The following USP32 variants were observed in gnomAD, a reference collection of about 807,000 sequenced individuals.
USP32 encodes the protein ubiquitin specific peptidase 32.
A neutral mutation model predicts 204.8 loss-of-function variants in USP32; 59 were observed. That is an observed-to-expected ratio of 0.29 (90% CI 0.23 to 0.36). The LOEUF is 0.36. Among genes scored for constraint, USP32 ranks in the 10% least tolerant of loss-of-function variants. The pLI, the probability that USP32 is intolerant of heterozygous loss-of-function variation, is 1.00. For missense variants in USP32, 1,160 were observed against 1,946.4 expected (o/e 0.60, Z 7.60); for synonymous variants, 517 against 678.4 (o/e 0.76, Z 3.70).
intron 2 of USP32, among the ~76,000 whole-genome samples, chr17:60,329,341 C>T (rs1176228517): frequency 6.6e-6 from 1 of 150,746 alleles, no homozygotes; most frequent in African/African-American, 2.4e-5. Context: ...AGGACTGTGT[C>T]AGATAATATA....
Position 60,346,895 on chromosome 17 carries a change from G to A in USP32, c.59-1287C>T, listed in dbSNP as rs146382867. Among the ~76,000 whole-genome samples, 1,332 of 152,304 alleles carry A rather than the reference G, an allele frequency of 8.7e-3. 26 individuals carry two copies. The highest frequency in any genetic ancestry group is 0.029 in the African/African-American group (1,221 of 41,534). ...AAAGTATCTTACTACAGCAAAGCACGGAGTAGCAAACGATAAACCTAGAGA... is the reference window on the plus strand; with the variant it reads ...AAAGTATCTTACTACAGCAAAGCACAGAGTAGCAAACGATAAACCTAGAGA... On this transcript the variant is annotated intron_variant, in intron 1 of 33. Coordinates refer to ENST00000300896, the MANE Select transcript of USP32 (RefSeq NM_032582.4).
At chr17:60,244,529 C>T (rs997066256) in intron 11 of USP32, among the ~76,000 whole-genome samples, 1 of 152,132 alleles carries the variant, frequency 6.6e-6, no homozygotes, top group African/African-American at 2.4e-5. Context: ...AAATAGGTAA[C>T]ATTTTAATGC....
intron 1 of USP32, among the ~76,000 whole-genome samples, chr17:60,388,387 G>GAA (rs766962890): frequency 3.3e-5 from 5 of 151,124 alleles, no homozygotes; most frequent in Non-Finnish European, 7.4e-5. Flanking sequence ...TAAGACAGAA[G>GAA]AATTAAAAAA....
chr17:60,323,034 C>G (rs1271169276), intron 2 of USP32, among the ~76,000 whole-genome samples: 1 of 152,098 alleles, frequency 6.6e-6, no homozygotes, highest in Non-Finnish European at 1.5e-5. Flanking sequence ...TTGGAACCCA[C>G]ATATACTATT....
chr17:60,236,289 T>C, intron 11 of USP32, 49 bp from the exon 12 acceptor site: 1 of 1,470,830 alleles, frequency 6.8e-7, no homozygotes, highest in South Asian at 1.2e-5. Context: ...GTGAAATAGG[T>C]GGCAACGCAC....
intron 14 of USP32, 107 bp downstream of exon 14, chr17:60,223,304 T>G: frequency 1.2e-6 from 1 of 869,488 alleles, no homozygotes; most frequent in Non-Finnish European, 1.8e-6. Flanking sequence ...TATAATACAG[T>G]AATTAAATGA....
chr17:60,364,448 C>T (rs2089274886), intron 1 of USP32, among the ~76,000 whole-genome samples: 1 of 152,136 alleles, frequency 6.6e-6, no homozygotes, highest in Non-Finnish European at 1.5e-5. Flanking sequence ...GGCGCGATGT[C>T]CACTCACCGC....
intron 12 of USP32, among the ~76,000 whole-genome samples, chr17:60,226,445 G>T (rs770317058): frequency 2.6e-5 from 4 of 152,162 alleles, no homozygotes; most frequent in Non-Finnish European, 5.9e-5. Context: ...AAAACAGACT[G>T]TGAAGGATTT....
At chr17:60,308,990 T>C (rs959730002) in intron 2 of USP32, among the ~76,000 whole-genome samples, 14 of 151,976 alleles carry the variant, frequency 9.2e-5, no homozygotes, top group African/African-American at 3.4e-4. Context: ...CAAATCAAAA[T>C]GGACTGAAGA....
intron 2 of USP32, among the ~76,000 whole-genome samples, chr17:60,330,819 C>G (rs767632088): frequency 6.6e-6 from 1 of 152,112 alleles, no homozygotes; most frequent in Non-Finnish European, 1.5e-5. Flanking sequence ...AAGGAAAAGA[C>G]AGAGTTCCAA....
At chr17:60,371,428 G>A (rs564984238) in intron 1 of USP32, among the ~76,000 whole-genome samples, 42 of 152,062 alleles carry the variant, frequency 2.8e-4, no homozygotes, top group African/African-American at 8.4e-4. Context: ...TCAGCCAGGT[G>A]CGGTGGCACA....
At chr17:60,232,242 G>A (rs531049862) in intron 12 of USP32, among the ~76,000 whole-genome samples, 2 of 138,370 alleles carry the variant, frequency 1.4e-5, no homozygotes, top group African/African-American at 5.5e-5. Flanking sequence ...GCATGATCTC[G>A]GCTCACTGCA....
intron 2 of USP32, among the ~76,000 whole-genome samples, chr17:60,302,119 T>C (rs1280379761): frequency 8.8e-6 from 1 of 113,922 alleles, no homozygotes; most frequent in East Asian, 2.1e-4. Context: ...GTTTGTTTAT[T>C]TATTTATTTA....
intron 2 of USP32, among the ~76,000 whole-genome samples, chr17:60,329,645 T>A (rs2088332347): frequency 6.6e-6 from 1 of 152,104 alleles, no homozygotes; most frequent in Non-Finnish European, 1.5e-5. Context: ...TCCTTATTAC[T>A]TTTCTCCCTT....
chr17:60,277,918 C>CTTTT lies in USP32; in HGVS notation c.572-6441_572-6438dup, dbSNP rs11422765. On this transcript the variant is annotated intron_variant, in intron 5 of 33. Coordinates refer to ENST00000300896, the MANE Select transcript of USP32 (RefSeq NM_032582.4). ...TAAAAAAATAACTTAATAATAGTTC[C>CTTTT]TTTTTTTTTTTTTTTTTGAAGAGAC... is the stretch of plus-strand genomic sequence containing the variant. Among the ~76,000 whole-genome samples the CTTTT allele has an allele frequency of 7.2e-4, 96 of 132,702 alleles. 1 individual carries two copies. The highest frequency in any genetic ancestry group is 3.8e-3 in the Middle Eastern group (1 of 262). 87.1% of individuals were successfully genotyped at this position (132,702 alleles called of 152,430 possible). A position where few individuals can be genotyped will look rare whatever the true frequency, so the allele number is the denominator to read the frequency against.
intron 1 of USP32, among the ~76,000 whole-genome samples, chr17:60,358,781 C>T (rs1441703325): frequency 2.0e-5 from 3 of 152,076 alleles, no homozygotes; most frequent in African/African-American, 4.8e-5. Flanking sequence ...GACGGTGCTT[C>T]GCAAGGTTTT....
rs530904225 is a variant in USP32, at chr17:60,218,877, A to T, written c.1867+793T>A. ...CCCAAATTGTGGGATTACAGGCATGAGCCACTGTGCTCAGCTTATTATTTC... is the reference window on the plus strand; with the variant it reads ...CCCAAATTGTGGGATTACAGGCATGTGCCACTGTGCTCAGCTTATTATTTC... On this transcript the variant is annotated intron_variant, in intron 16 of 33. Transcript: ENST00000300896. Among the ~76,000 whole-genome samples, 3 of 152,342 alleles carry T rather than the reference A, an allele frequency of 2.0e-5. No individual in the cohort carries two copies. In the South Asian group the frequency reaches 6.2e-4, roughly 32 times the overall value.
At chr17:60,220,538 T>C (rs1287826250) in intron 15 of USP32, among the ~76,000 whole-genome samples, 8 of 152,336 alleles carry the variant, frequency 5.3e-5, no homozygotes, top group Middle Eastern at 3.4e-3. Context: ...TTAACCTGCT[T>C]ATAAGCCCAC....
intron 2 of USP32, among the ~76,000 whole-genome samples, chr17:60,334,667 G>A (rs1431009938): frequency 7.0e-6 from 1 of 142,622 alleles, no homozygotes; most frequent in Non-Finnish European, 1.5e-5. Context: ...ACTCCAGCCT[G>A]GGCAACAAAG....
Sources: gnomAD v4.1 joint callset for allele counts (sites outside exome capture counted in the v4.1 genomes callset) on GRCh38, gnomAD v4.1.1 for gene constraint, MANE v1.5 for transcripts, NCBI Gene and HGNC (gene_info 2026-07-23, HGNC 2026-07-21) for gene names.